Variants in PER3 observed in about 807,000 individuals in gnomAD.
PER3 encodes the protein period circadian regulator 3.
In PER3, 107 loss-of-function variants were observed where a neutral mutation model predicts 127.2. The observed-to-expected ratio is 0.84, with a 90% confidence interval of 0.72 to 0.99. The LOEUF is 0.99. PER3 is among the 50% of genes least tolerant of loss of function. PER3 has a pLI of 0.00. For synonymous variants in PER3, 618 were observed against 585.8 expected, an observed-to-expected ratio of 1.05 and a Z score of -0.79; for missense variants, 1,560 against 1,525.8, an observed-to-expected ratio of 1.02 and a Z score of -0.37.
chr1:7,822,355 A>C (rs954722013), intron 16 of PER3, among the ~76,000 whole-genome samples: 3 of 151,868 alleles, frequency 2.0e-5, no homozygotes, highest in Non-Finnish European at 4.4e-5. Flanking sequence ...TCCCGGATTC[A>C]AGCGATTCTC....
At position 7,835,828 on chromosome 1, in the gene PER3, A is replaced by G; in HGVS notation, c.3281A>G (p.Gln1094Arg). Residue 1094 changes from glutamine to arginine, a missense_variant, in exon 20 of 22, where the codon CAG becomes CGG. By Grantham distance (43) the Gln-to-Arg change is conservative. Around this residue, in one of 3 missense-constraint regions of PER3, gnomAD observed 199 missense variants for 198.6 expected, o/e 1.00. Coordinates refer to ENST00000377532, the MANE Select transcript of PER3 (RefSeq NM_001377275.1). ...VYSSKISQNG[Q>R]QSQDVQKKET... ...TCTTCTAAAATCTCCCAAAATGGGC[A>G]GCAATCTCAGGACGTACAGAAAAAA... 6.2e-7 allele frequency: 1 copy of G among 1,612,244 alleles called. No homozygotes were observed. Among genetic ancestry groups the G allele is most frequent in the Non-Finnish European group, 8.5e-7 (1 of 1,178,264 alleles).
intron 13 of PER3, among the ~76,000 whole-genome samples, chr1:7,812,782 T>A (rs946602500): frequency 6.6e-6 from 1 of 152,224 alleles, no homozygotes; most frequent in Non-Finnish European, 1.5e-5. Context: ...AAGGAAGATC[T>A]CTTGCCATTT....
chr1:7,827,559 C>A lies in PER3; in HGVS notation c.2630C>A (p.Pro877Gln). 6.2e-7 allele frequency: 1 copy of A among 1,614,168 alleles called. No individual in the cohort carries two copies. The highest frequency in any genetic ancestry group is 1.1e-5 in the South Asian group (1 of 91,088). The change falls in exon 18 of 22, where the codon CCA (proline) becomes CAA (glutamine). Residue 877 changes from proline to glutamine, a missense_variant. Transcript: ENST00000377532. ...PLLSPSFLPC[P>Q]FLGATASSAI... Reference sequence around the variant, plus strand: ...TTGTCGCCATCGTTTTTGCCATGTCCATTCCTGGGGGCGACAGCCTCTTCT... The same window carrying A: ...TTGTCGCCATCGTTTTTGCCATGTCAATTCCTGGGGGCGACAGCCTCTTCT...
chr1:7,801,867 A>G (rs972082278), intron 8 of PER3, among the ~76,000 whole-genome samples: 10 of 152,254 alleles, frequency 6.6e-5, no homozygotes, highest in African/African-American at 2.2e-4. Context: ...TACTCATGAA[A>G]TTCAAAAATC....
chr1:7,813,118 G>A (rs1426454400), intron 13 of PER3, among the ~76,000 whole-genome samples: 2 of 152,166 alleles, frequency 1.3e-5, no homozygotes, highest in Non-Finnish European at 2.9e-5. Flanking sequence ...ATATGGGAGG[G>A]CAAGGAATAA....
At position 7,818,810 on chromosome 1, in the gene PER3, TCA is replaced by T. The variant is rs760851796; in HGVS notation, c.1523-474_1523-473del. Reference sequence around the variant, plus strand: ...AATACTAGTCAGCACAAATAATCCATCAGTCATCACAGAAAGTTCTGTTGGAC... The same window carrying T: ...AATACTAGTCAGCACAAATAATCCATGTCATCACAGAAAGTTCTGTTGGAC... On this transcript the variant is annotated intron_variant, in intron 13 of 21. Coordinates refer to ENST00000377532, the MANE Select transcript of PER3 (RefSeq NM_001377275.1). Among the ~76,000 whole-genome samples the T allele has an allele frequency of 1.1e-4, 16 of 152,352 alleles. No individual in the cohort carries two copies. In the Middle Eastern group the frequency reaches 0.027, roughly 259 times the overall value.
At chr1:7,818,317 T>C (rs1236151509) in intron 13 of PER3, among the ~76,000 whole-genome samples, 2 of 152,202 alleles carry the variant, frequency 1.3e-5, no homozygotes, top group Admixed American at 1.3e-4. Flanking sequence ...TAAAATTATT[T>C]CAAAATTAAA....
chr1:7,823,730 G>T (rs1228754464), intron 16 of PER3, among the ~76,000 whole-genome samples: 1 of 151,722 alleles, frequency 6.6e-6, no homozygotes. Flanking sequence ...CTCCCTCTCT[G>T]CAACTGATAA....
intron 16 of PER3, among the ~76,000 whole-genome samples, chr1:7,824,566 G>A (rs991903414): frequency 6.6e-6 from 1 of 152,032 alleles, no homozygotes; most frequent in Non-Finnish European, 1.5e-5. Flanking sequence ...CATGCCTGGT[G>A]ATTCTTTCTA....
chr1:7,804,942 C>T (rs1344602394), intron 10 of PER3, among the ~76,000 whole-genome samples: 5 of 151,546 alleles, frequency 3.3e-5, no homozygotes, highest in Non-Finnish European at 4.4e-5. Context: ...GATCGCGGCT[C>T]ACTGCAACTT....
chr1:7,799,811 TCAGG>T (rs895098391), intron 7 of PER3, among the ~76,000 whole-genome samples: 3 of 151,974 alleles, frequency 2.0e-5, no homozygotes, highest in African/African-American at 7.3e-5. Flanking sequence ...GCTCTGTCAC[TCAGG>T]CTGGAGTGCA....
chr1:7,806,810 A>ATATATATATATATATATATAT (rs60458932), intron 10 of PER3, among the ~76,000 whole-genome samples: 2 of 75,278 alleles, frequency 2.7e-5, no homozygotes, highest in African/African-American at 5.2e-5. Flanking sequence ...AAAAAAAAAA[A>ATATATATATATATATATATAT]AAATATATAT....
At chr1:7,803,641 A>C in intron 9 of PER3, 51 bp from the exon 10 acceptor site, 1 of 1,151,210 alleles carries the variant, frequency 8.7e-7, no homozygotes, top group Non-Finnish European at 1.3e-6. Flanking sequence ...GACATTTGTA[A>C]TCAGTATCTG....
rs1419817623 is a variant in PER3 at position 7,826,752 on chromosome 1, A to G, written c.2188+42A>G. 1 of 1,198,914 alleles carries G rather than the reference A, an allele frequency of 8.3e-7. No individual in the cohort carries two copies. Among genetic ancestry groups the G allele is most frequent in the African/African-American group, 1.5e-5 (1 of 66,116 alleles). The allele number at this position is 1,198,914 out of a possible 1,614,324, so 74.3% of individuals were successfully genotyped here. A position where few individuals can be genotyped will look rare whatever the true frequency, so the allele number is the denominator to read the frequency against. On this transcript the variant is annotated intron_variant, in intron 17 of 21. Transcript: ENST00000377532. This position sits in a 1 kb window ranked among gnomAD's most constrained non-coding sequence, Gnocchi z 4.2. ...AAATAAATGCCATTAATCTATGTAA[A>G]TGTTACAAACTGTATCTAAGGACTA... is the stretch of plus-strand genomic sequence containing the variant.
At chr1:7,800,352 C>T (rs371566818) in intron 7 of PER3, among the ~76,000 whole-genome samples, 12 of 151,642 alleles carry the variant, frequency 7.9e-5, no homozygotes, top group African/African-American at 1.9e-4. Flanking sequence ...GGATTACAGG[C>T]GCCCACCACC....
chr1:7,835,650 T>G (rs1276129036), intron 19 of PER3, 112 bp from the exon 20 acceptor site: 24 of 690,132 alleles, frequency 3.5e-5, no homozygotes, highest in Non-Finnish European at 6.0e-5. Flanking sequence ...AAATGATGGT[T>G]GGGCTGGCTG....
At chr1:7,802,024 A>G (rs1426882056) in intron 8 of PER3, among the ~76,000 whole-genome samples, 1 of 152,214 alleles carries the variant, frequency 6.6e-6, no homozygotes, top group Non-Finnish European at 1.5e-5. Flanking sequence ...AATGTGTGAG[A>G]TACTTAACCT....
intron 13 of PER3, among the ~76,000 whole-genome samples, chr1:7,814,081 T>C (rs961916692): frequency 6.6e-6 from 1 of 152,082 alleles, no homozygotes; most frequent in African/African-American, 2.4e-5. Context: ...CAACACAGCC[T>C]GGAAAAGAAT....
chr1:7,806,810 A>ATATATATATATATATATATATAT (rs60458932), intron 10 of PER3, among the ~76,000 whole-genome samples: 1 of 75,266 alleles, frequency 1.3e-5, no homozygotes, highest in African/African-American at 5.2e-5. Flanking sequence ...AAAAAAAAAA[A>ATATATATATATATATATATATAT]AAATATATAT....
Sources: gnomAD v4.1 joint callset for allele counts (sites outside exome capture counted in the v4.1 genomes callset) on GRCh38, gnomAD v4.1.1 for gene constraint, gnomAD v4.1.1 regional missense constraint, Gnocchi (gnomAD v3.1) non-coding constraint, MANE v1.5 for transcripts, NCBI Gene and HGNC (gene_info 2026-07-23, HGNC 2026-07-21) for gene names.